CDCA8: variants seen among roughly 807,000 people sequenced by gnomAD.
CDCA8 encodes the protein cell division cycle associated 8, also known as borealin.
Under a neutral mutation model 40.0 loss-of-function variants are expected in CDCA8, and 25 were observed. The observed-to-expected ratio is 0.63, with a 90% CI of 0.46 to 0.87. The LOEUF is 0.87. CDCA8 is among the 40% of genes least tolerant of loss of function. The pLI is 0.00. For synonymous variants in CDCA8, 111 were observed against 126.5 expected, an observed-to-expected ratio of 0.88 and a Z score of 0.82; for missense variants, 280 against 348.4, an observed-to-expected ratio of 0.80 and a Z score of 1.56.
chr1:37,703,991 A>AT (rs1557518507), intron 7 of CDCA8, among the ~76,000 whole-genome samples: 3 of 152,142 alleles, frequency 2.0e-5, no homozygotes, highest in Non-Finnish European at 1.5e-5. Flanking sequence ...TCTCACTCCA[A>AT]TGCCCAGGCT....
chr1:37,705,579 C>T lies in CDCA8; in HGVS notation c.711+12C>T. ...TGGGCGGCGGAGAGGTGAAGTATTTCCAAGGGAAGCCAGGCCACAGTGTGC... is the reference window on the plus strand; with the variant it reads ...TGGGCGGCGGAGAGGTGAAGTATTTTCAAGGGAAGCCAGGCCACAGTGTGC... On this transcript the variant is annotated intron_variant, in intron 8 of 9. Transcript: ENST00000373055. The T allele has an allele frequency of 6.2e-7, 1 of 1,611,402 alleles. No individual in the cohort carries two copies. The highest frequency in any genetic ancestry group is 8.5e-7 in the Non-Finnish European group (1 of 1,178,952).
intron 6 of CDCA8, 61 bp downstream of exon 6, chr1:37,701,879 G>A (rs1645567449): frequency 1.5e-6 from 2 of 1,296,332 alleles, no homozygotes; most frequent in Admixed American, 3.5e-5. Context: ...ATATATCATG[G>A]CAGAAAGTGA....
chr1:37,704,801 C>T (rs1302553597), intron 7 of CDCA8, among the ~76,000 whole-genome samples: 1 of 152,054 alleles, frequency 6.6e-6, no homozygotes, highest in Non-Finnish European at 1.5e-5. Flanking sequence ...GTACATGCCA[C>T]CATGCCCAGC....
chr1:37,695,368 T>TAAA (rs71690196), intron 2 of CDCA8, among the ~76,000 whole-genome samples: 5,876 of 76,356 alleles, frequency 0.077, 343 homozygotes, highest in Middle Eastern at 0.15. Context: ...CATCTCTACT[T>TAAA]AAAAAAAAAA....
chr1:37,695,976 C>G, intron 3 of CDCA8, 26 bp downstream of exon 3: 1 of 1,610,214 alleles, frequency 6.2e-7, no homozygotes, highest in Non-Finnish European at 8.5e-7. Context: ...TATTTTCCAG[C>G]CAGTGGTTAC....
chr1:37,705,293 A>ATT, intron 7 of CDCA8, 148 bp from the exon 8 acceptor site: 10 of 617,436 alleles, frequency 1.6e-5, no homozygotes, highest in Admixed American at 3.0e-5. Context: ...GCTTTAAAAC[A>ATT]TTTTTTTTTT....
intron 4 of CDCA8, among the ~76,000 whole-genome samples, chr1:37,699,984 C>T (rs892834657): frequency 3.3e-5 from 5 of 152,060 alleles, no homozygotes; most frequent in Non-Finnish European, 5.9e-5. Flanking sequence ...CATACATGTC[C>T]CGCACTCTGA....
chr1:37,708,549 TC>T lies in CDCA8; in HGVS notation c.*186del. On this transcript the variant is annotated 3_prime_UTR_variant, in exon 10 of 10. Transcript: ENST00000373055. ...GTTAGGTAGAGCTGTCTGTTCACCC[TC>T]CCATCCCAGCTGATCCCAGTCACTG... 1 of 618,414 alleles carries T rather than the reference TC, an allele frequency of 1.6e-6. No individual in the cohort carries two copies. Among genetic ancestry groups the T allele is most frequent in the Non-Finnish European group, 2.9e-6 (1 of 344,192 alleles). The allele number at this position is 618,414 out of a possible 1,614,324, so 38.3% of individuals were successfully genotyped here. A position where few individuals can be genotyped will look rare whatever the true frequency, so the allele number is the denominator to read the frequency against.
At chr1:37,708,083 T>C (rs1039635601) in intron 9 of CDCA8, among the ~76,000 whole-genome samples, 5 of 152,242 alleles carry the variant, frequency 3.3e-5, no homozygotes, top group African/African-American at 1.2e-4. Flanking sequence ...CACCCAAATC[T>C]TGTGACTGTC....
chr1:37,698,889 G>T lies in CDCA8; in HGVS notation c.265-16G>T. On this transcript the variant is annotated splice_polypyrimidine_tract_variant and intron_variant, in intron 3 of 9. Coordinates refer to ENST00000373055, the MANE Select transcript of CDCA8 (RefSeq NM_001256875.2). Reference sequence around the variant, plus strand: ...GGTGGAATAAGCCTGGTGCTTTCTGGCTATGTTTGTCATAGGCTGACCTGG... The same window carrying T: ...GGTGGAATAAGCCTGGTGCTTTCTGTCTATGTTTGTCATAGGCTGACCTGG... 2 of 1,598,214 alleles carry T rather than the reference G, an allele frequency of 1.3e-6. No homozygotes were observed. The highest frequency in any genetic ancestry group is 1.7e-6 in the Non-Finnish European group (2 of 1,166,238).
chr1:37,697,983 T>C (rs960849059), intron 3 of CDCA8, among the ~76,000 whole-genome samples: 6 of 152,190 alleles, frequency 3.9e-5, no homozygotes, highest in African/African-American at 1.4e-4. Flanking sequence ...AGGAAAGGAC[T>C]GTGAATCATG....
In CDCA8 at chr1:37,706,993, G is replaced by A. The variant is rs1645606434; in HGVS notation, c.727G>A (p.Ala243Thr). 7.4e-6 allele frequency: 12 copies of A among 1,614,094 alleles called. No individual in the cohort carries two copies. The East Asian group carries it at 2.7e-4, about 36-fold the overall frequency. The change falls in exon 9 of 10, where the codon GCC becomes ACC. Residue 243 changes from alanine (A) to threonine (T), a missense_variant. Transcript: ENST00000373055. The stretch of plus-strand genomic sequence containing the variant: ...TTCTATTCAGAGCCTGCGATTATTG[G>A]CCAGTGACTTGCAGAGGCACAGTAT... Reference protein sequence around the residue: ...VGGGESLRLLASDLQRHSIAQ... With the variant: ...VGGGESLRLLTSDLQRHSIAQ...
At chr1:37,708,115 C>T (rs1645614969) in intron 9 of CDCA8, among the ~76,000 whole-genome samples, 1 of 152,208 alleles carries the variant, frequency 6.6e-6, no homozygotes, top group South Asian at 2.1e-4. Flanking sequence ...AGATCTATTG[C>T]AATGTTCTTC....
At chr1:37,708,131 T>A (rs564888618) in intron 9 of CDCA8, among the ~76,000 whole-genome samples, 191 bp from the exon 10 acceptor site, 1 of 152,350 alleles carries the variant, frequency 6.6e-6, no homozygotes, top group South Asian at 2.1e-4. Flanking sequence ...TCTTCTCAAA[T>A]CTATGATACC....
At position 37,705,444 on chromosome 1, in the gene CDCA8, C is replaced by T. The variant is rs1243368522; in HGVS notation, c.588C>T (p.Val196=). Residue 196 remains valine (V), a synonymous_variant, in exon 8 of 10, where the codon GTC becomes GTT. Transcript: ENST00000373055. The part of the protein sequence containing the change: ...PGLTPRFDSR[V]FKTPGLRTPA... The stretch of plus-strand genomic sequence containing the variant: ...CACAGAGATTTTCCCATTCTAGGGT[C>T]TTCAAGACCCCTGGCCTGCGTACTC... The T allele has an allele frequency of 6.2e-7, 1 of 1,613,966 alleles. No homozygotes were observed. The highest frequency in any genetic ancestry group is 1.3e-5 in the African/African-American group (1 of 75,050).
intron 3 of CDCA8, among the ~76,000 whole-genome samples, chr1:37,698,069 G>T (rs769138547): frequency 3.3e-5 from 5 of 152,252 alleles, no homozygotes; most frequent in Middle Eastern, 3.4e-3. Context: ...AAGCCTTTTT[G>T]AAGGACCCAG....
chr1:37,699,427 A>G (rs1284472918), intron 4 of CDCA8, among the ~76,000 whole-genome samples: 2 of 152,214 alleles, frequency 1.3e-5, no homozygotes, highest in East Asian at 3.8e-4. Context: ...TTCTCTGCAT[A>G]TAATTCAAAA....
intron 3 of CDCA8, among the ~76,000 whole-genome samples, chr1:37,697,575 G>GT (rs1198605624): frequency 9.2e-5 from 14 of 152,318 alleles, no homozygotes; most frequent in Admixed American, 2.6e-4. Flanking sequence ...TTTAGGCACA[G>GT]TGAGGCATCT....
Position 37,698,935 on chromosome 1 carries a change from C to A in CDCA8, c.295C>A (p.Leu99Ile). Residue 99 changes from leucine (L) to isoleucine (I), a missense_variant, in exon 4 of 10, where the codon CTA becomes ATA. Leu to Ile is a conservative substitution (Grantham distance 5). Transcript: ENST00000373055. ...ADLDITEINK[L>I]TAEAIQTPLK... is the part of the protein sequence containing the mutation. ...CCTGGATATCACCGAAATAAACAAA[C>A]TAACAGCAGAAGCTATTCAGACACC... 1.2e-6 allele frequency: 2 copies of A among 1,613,886 alleles called. No homozygotes were observed. Among genetic ancestry groups the A allele is most frequent in the Non-Finnish European group, 1.7e-6 (2 of 1,179,756 alleles).
Sources: gnomAD v4.1 joint callset for allele counts (sites outside exome capture counted in the v4.1 genomes callset) on GRCh38, gnomAD v4.1.1 for gene constraint, MANE v1.5 for transcripts, NCBI Gene and HGNC (gene_info 2026-07-23, HGNC 2026-07-21) for gene names.